SLC39A11: variants seen among roughly 807,000 people sequenced by gnomAD.
SLC39A11 encodes the protein solute carrier family 39 member 11.
A neutral mutation model predicts 36.1 loss-of-function variants in SLC39A11; 33 were observed. The ratio of observed to expected loss-of-function variants is 0.91; its 90% CI spans 0.69 to 1.22. The LOEUF (loss-of-function observed/expected upper bound fraction) is 1.22, where lower values mean the gene tolerates loss of function less well. Ranked by LOEUF, SLC39A11 falls within the 50% of genes most tolerant of loss-of-function variation. The pLI is 0.00. For synonymous variants in SLC39A11, 166 were observed against 170.3 expected (o/e 0.97, Z 0.20); for missense variants, 432 against 430.3 (o/e 1.00, Z -0.03).
At chr17:72,882,481 C>A (rs1166377022) in intron 5 of SLC39A11, among the ~76,000 whole-genome samples, 7 of 152,090 alleles carry the variant, frequency 4.6e-5, no homozygotes, top group Non-Finnish European at 1.0e-4. Flanking sequence ...GATTAGGAAG[C>A]TTTTTCTGAA....
At chr17:72,866,057 T>C (rs949141350) in intron 5 of SLC39A11, among the ~76,000 whole-genome samples, 1 of 152,208 alleles carries the variant, frequency 6.6e-6, no homozygotes, top group South Asian at 2.1e-4. Flanking sequence ...TATCCGTCCA[T>C]GGCCTGTTAG....
chr17:72,713,919 G>C (rs1245950002), intron 7 of SLC39A11, among the ~76,000 whole-genome samples: 3 of 152,118 alleles, frequency 2.0e-5, no homozygotes, highest in Non-Finnish European at 4.4e-5. Context: ...AGCAAACTGA[G>C]GCCCAGAGAA....
rs559157030 is a variant in SLC39A11, at chr17:72,837,182, G to A, written c.601+12452C>T. 7.9e-5 allele frequency among the ~76,000 whole-genome samples: 12 copies of A among 152,116 alleles called. No individual in the cohort carries two copies. In the East Asian group the frequency reaches 1.5e-3, roughly 20 times the overall value. On this transcript the variant is annotated intron_variant, in intron 6 of 9. Transcript: ENST00000255559. ...CCTCCCTGGCCACCTGCAGCTGTCCGCAGACTTTTCAGCATTCCAACAGAT... is the reference window on the plus strand; with the variant it reads ...CCTCCCTGGCCACCTGCAGCTGTCCACAGACTTTTCAGCATTCCAACAGAT...
chr17:72,815,101 G>A (rs529443457), intron 6 of SLC39A11, among the ~76,000 whole-genome samples: 1 of 152,308 alleles, frequency 6.6e-6, no homozygotes, highest in African/African-American at 2.4e-5. Context: ...AGGAAAGAAT[G>A]CTCTACTCAA....
rs1320959539 is a variant in SLC39A11, at chr17:72,920,282, A to G, written c.430+27470T>C. ...TTCAAACGGGAAGCCTCAGCACAAAAGCCAGGATCTTACTAGGACTTCTGA... is the reference window on the plus strand; with the variant it reads ...TTCAAACGGGAAGCCTCAGCACAAAGGCCAGGATCTTACTAGGACTTCTGA... On this transcript the variant is annotated intron_variant, in intron 5 of 9. Transcript: ENST00000255559. Among the ~76,000 whole-genome samples the G allele has an allele frequency of 2.6e-5, 4 of 151,850 alleles. No homozygotes were observed. The South Asian group carries it at 8.3e-4, about 32-fold the overall frequency.
At chr17:72,941,926 G>A (rs969732135) in intron 5 of SLC39A11, among the ~76,000 whole-genome samples, 1 of 151,450 alleles carries the variant, frequency 6.6e-6, no homozygotes, top group South Asian at 2.1e-4. Context: ...TGTCGCCCAG[G>A]CTGGAGTGCA....
intron 5 of SLC39A11, among the ~76,000 whole-genome samples, chr17:72,890,069 G>A (rs1035064458): frequency 3.3e-5 from 5 of 151,930 alleles, no homozygotes; most frequent in Non-Finnish European, 7.4e-5. Flanking sequence ...AAACCAGCCT[G>A]GCCAACATGG....
intron 6 of SLC39A11, among the ~76,000 whole-genome samples, chr17:72,829,826 G>A (rs1332766399): frequency 6.6e-6 from 1 of 152,052 alleles, no homozygotes; most frequent in Non-Finnish European, 1.5e-5. Context: ...CGTCACTAGT[G>A]TAGCCACCTT....
rs1331012981 is a variant in SLC39A11 at position 72,843,175 on chromosome 17, C to T, written c.601+6459G>A. The stretch of plus-strand genomic sequence containing the variant: ...ATGTTGGCCAGGATGGTTTCTATCT[C>T]CTGACCTCGTGATCTGCCTGCCTCA... On this transcript the variant is annotated intron_variant, in intron 6 of 9. Coordinates refer to ENST00000255559, the MANE Select transcript of SLC39A11 (RefSeq NM_139177.4). Among the ~76,000 whole-genome samples the T allele has an allele frequency of 2.6e-5, 4 of 152,026 alleles. No individual in the cohort carries two copies. The East Asian group carries it at 7.7e-4, about 29-fold the overall frequency.
chr17:72,960,455 C>A (rs1389985214), intron 4 of SLC39A11, among the ~76,000 whole-genome samples: 1 of 151,880 alleles, frequency 6.6e-6, no homozygotes, highest in East Asian at 1.9e-4. Context: ...GTAGTCATAC[C>A]AGCTGGAGAT....
intron 5 of SLC39A11, among the ~76,000 whole-genome samples, chr17:72,920,798 T>C (rs1277333121): frequency 8.0e-6 from 1 of 124,410 alleles, no homozygotes; most frequent in Non-Finnish European, 1.6e-5. Context: ...CATACACACA[T>C]GCACACTTCC....
intron 7 of SLC39A11, among the ~76,000 whole-genome samples, chr17:72,716,984 T>TAC (rs2073409419): frequency 8.1e-6 from 1 of 124,030 alleles, no homozygotes; most frequent in Non-Finnish European, 1.6e-5. Flanking sequence ...AAAAAAAATA[T>TAC]ATATATATAC....
intron 5 of SLC39A11, among the ~76,000 whole-genome samples, chr17:72,921,179 G>A (rs1365053189): frequency 1.3e-5 from 2 of 152,182 alleles, no homozygotes; most frequent in African/African-American, 2.4e-5. Flanking sequence ...CACAAGCCCA[G>A]CATCTTGCTC....
chr17:73,027,598 A>G (rs1444708415), intron 4 of SLC39A11, among the ~76,000 whole-genome samples: 2 of 152,208 alleles, frequency 1.3e-5, no homozygotes, highest in East Asian at 3.8e-4. Flanking sequence ...CCTTTCCATG[A>G]GCAATATTTT....
At chr17:72,831,956 G>C (rs917191955) in intron 6 of SLC39A11, among the ~76,000 whole-genome samples, 5 of 152,184 alleles carry the variant, frequency 3.3e-5, no homozygotes, top group African/African-American at 7.2e-5. Context: ...TGAAAAATAA[G>C]TAGTAATAGT....
rs2069578685 is a variant in SLC39A11 at position 72,646,703 on chromosome 17, G to C, written c.*881C>G. ...ATGGCTCCTTCTTTGAGTAATTGAA[G>C]AGTTTGAGTTCTAGCAGTTTGCTGG... On this transcript the variant is annotated 3_prime_UTR_variant, in exon 10 of 10. Transcript: ENST00000255559. 2 of 152,578 alleles carry C rather than the reference G, an allele frequency of 1.3e-5. No individual in the cohort carries two copies. The allele number at this position is 152,578 out of a possible 1,614,324, so 9.5% of individuals were successfully genotyped here.
chr17:72,660,348 C>T (rs1457444432), intron 7 of SLC39A11, among the ~76,000 whole-genome samples: 2 of 152,180 alleles, frequency 1.3e-5, no homozygotes, highest in Admixed American at 6.5e-5. Context: ...ACGTGCTGGG[C>T]GTGCTTGTAA....
chr17:72,981,839 AG>A (rs1463385760), intron 4 of SLC39A11, among the ~76,000 whole-genome samples: 2 of 135,360 alleles, frequency 1.5e-5, no homozygotes, highest in Admixed American at 1.6e-4. Flanking sequence ...ATAATGAGTT[AG>A]GAAAGACCAA....
intron 5 of SLC39A11, among the ~76,000 whole-genome samples, chr17:72,906,647 G>C (rs115789653): frequency 0.026 from 3,891 of 152,314 alleles, 158 homozygotes; most frequent in African/African-American, 0.086. Context: ...ACCTGAAACA[G>C]ACCTTGTTTA....
Sources: allele counts gnomAD v4.1 joint callset (sites outside exome capture counted in the v4.1 genomes callset), GRCh38; gene constraint gnomAD v4.1.1; transcripts MANE v1.5; gene names NCBI Gene and HGNC (gene_info 2026-07-23, HGNC 2026-07-21).